SORCS1: variants seen among roughly 807,000 people sequenced by gnomAD.
SORCS1 encodes the protein VPS10 domain-containing receptor SorCS1.
Under a neutral mutation model 146.1 loss-of-function variants are expected in SORCS1, and 60 were observed. The ratio of observed to expected loss-of-function variants is 0.41; its 90% confidence interval spans 0.33 to 0.51. The LOEUF is 0.51. Among genes scored for constraint, SORCS1 ranks in the 20% least tolerant of loss-of-function variants. The pLI is 0.21. For missense variants in SORCS1, 1,352 were observed against 1,487.6 expected (o/e 0.91, Z 1.50); for synonymous variants, 637 against 584.0 (o/e 1.09, Z -1.31).
intron 1 of SORCS1, among the ~76,000 whole-genome samples, chr10:107,146,895 T>C (rs1197682958): frequency 6.6e-6 from 1 of 152,136 alleles, no homozygotes; most frequent in Admixed American, 6.5e-5. Flanking sequence ...TACAATTCCT[T>C]GTACTCATGT....
Position 106,941,858 on chromosome 10 carries a change from G to A in SORCS1, c.626+14655C>T, listed in dbSNP as rs188410907. On this transcript the variant is annotated intron_variant, in intron 2 of 25. Transcript: ENST00000263054. ...TGACAATGGTATCACAGGGACTGCC[G>A]GTTGTGGTTAATCTGTAAGTCTTAG... 1.6e-3 allele frequency among the ~76,000 whole-genome samples: 239 copies of A among 152,292 alleles called. 1 individual carries two copies. Among genetic ancestry groups the A allele is most frequent in the African/African-American group, 5.3e-3 (222 of 41,542 alleles).
intron 1 of SORCS1, among the ~76,000 whole-genome samples, chr10:106,974,427 G>A (rs1367943290): frequency 6.6e-6 from 1 of 152,194 alleles, no homozygotes; most frequent in Non-Finnish European, 1.5e-5. Context: ...CCAGAGGAAT[G>A]CAAATGTGAA....
At chr10:106,762,386 CTT>C (rs869195563) in intron 4 of SORCS1, among the ~76,000 whole-genome samples, 5 of 73,824 alleles carry the variant, frequency 6.8e-5, no homozygotes, top group South Asian at 6.0e-4. Context: ...TTTTATTATT[CTT>C]TTTTTTTTTT....
intron 1 of SORCS1, among the ~76,000 whole-genome samples, chr10:107,115,571 T>C (rs896560574): frequency 1.3e-5 from 2 of 152,078 alleles, no homozygotes; most frequent in African/African-American, 4.8e-5. Context: ...TAAATTCTTT[T>C]ACTTAAACCA....
chr10:106,712,192 A>C (rs1589717327), intron 6 of SORCS1, among the ~76,000 whole-genome samples: 1 of 152,218 alleles, frequency 6.6e-6, no homozygotes, highest in Non-Finnish European at 1.5e-5. Context: ...TCTCCCTGGC[A>C]AACTAAAATT....
intron 20 of SORCS1, among the ~76,000 whole-genome samples, chr10:106,619,696 C>T (rs1225234281): frequency 6.6e-6 from 1 of 152,122 alleles, no homozygotes; most frequent in Non-Finnish European, 1.5e-5. Context: ...AATTTGGCCT[C>T]TTATGAAGCA....
chr10:106,651,618 C>T (rs551689381), intron 18 of SORCS1, among the ~76,000 whole-genome samples: 3 of 152,240 alleles, frequency 2.0e-5, no homozygotes, highest in African/African-American at 4.8e-5. Flanking sequence ...ATTTACAGAG[C>T]TTTACACAAT....
rs1213838018 is a variant in SORCS1, at chr10:106,629,279, A to G, written c.2585T>C (p.Val862Ala). 1 of 1,614,178 alleles carries G rather than the reference A, an allele frequency of 6.2e-7. No individual in the cohort carries two copies. Among genetic ancestry groups the G allele is most frequent in the Non-Finnish European group, 8.5e-7 (1 of 1,180,018 alleles). ...CTGCACGGTCACACGGAAAATGCCCACGTTCTGATAGACGTGTTTGATCCC... is the reference window on the plus strand; with the variant it reads ...CTGCACGGTCACACGGAAAATGCCCGCGTTCTGATAGACGTGTTTGATCCC... ...EDGIKHVYQN[V>A]GIFRVTVQVD... The change falls in exon 19 of 26, where the codon GTG (valine) becomes GCG (alanine). Residue 862 changes from valine to alanine, a missense_variant. By Grantham distance (64) the Val-to-Ala change is moderately conservative. This residue lies in a region of SORCS1 where 648 missense variants were observed against 793.8 expected (regional missense o/e 0.82). Transcript: ENST00000263054.
intron 1 of SORCS1, among the ~76,000 whole-genome samples, chr10:106,975,070 A>T (rs958942045): frequency 6.6e-6 from 1 of 152,210 alleles, no homozygotes; most frequent in African/African-American, 2.4e-5. Flanking sequence ...GGTTTTACAC[A>T]TCTGGAGGAA....
intron 19 of SORCS1, among the ~76,000 whole-genome samples, chr10:106,622,335 A>T (rs995228346): frequency 6.7e-6 from 1 of 150,308 alleles, no homozygotes; most frequent in African/African-American, 2.4e-5. Context: ...TCCAATTATG[A>T]TAATAATGAT....
chr10:106,589,699 A>G (rs909394719), intron 24 of SORCS1, among the ~76,000 whole-genome samples: 5 of 132,780 alleles, frequency 3.8e-5, no homozygotes, highest in Non-Finnish European at 5.2e-5. Context: ...TTGACGACGA[A>G]AAAAAAAAAA....
intron 3 of SORCS1, among the ~76,000 whole-genome samples, chr10:106,819,151 T>C (rs951277): frequency 0.45 from 68,992 of 152,096 alleles, 15,876 homozygotes; most frequent in African/African-American, 0.53. Flanking sequence ...ATTTGTTGAA[T>C]GCTTGCTAGG....
intron 2 of SORCS1, among the ~76,000 whole-genome samples, chr10:106,894,693 A>G (rs1175894207): frequency 6.6e-6 from 1 of 152,238 alleles, no homozygotes; most frequent in Non-Finnish European, 1.5e-5. Flanking sequence ...ACAAGGTTAT[A>G]CTTAGTTTTA....
intron 10 of SORCS1, among the ~76,000 whole-genome samples, chr10:106,685,296 C>T (rs934376224): frequency 7.9e-5 from 12 of 152,140 alleles, no homozygotes; most frequent in African/African-American, 2.7e-4. Context: ...ATGGGTTGAG[C>T]CCCTACCACA....
intron 10 of SORCS1, among the ~76,000 whole-genome samples, chr10:106,680,539 A>G (rs1341355252): frequency 3.9e-5 from 6 of 152,216 alleles, no homozygotes; most frequent in Non-Finnish European, 8.8e-5. Context: ...GACAAAATGC[A>G]CTAGTAGTAA....
chr10:106,827,194 G>C lies in SORCS1; in HGVS notation c.726+2380C>G, dbSNP rs1166508954. Reference sequence around the variant, plus strand: ...TACAGAAAAGCCTATAGTCAGATTTGATATTTGGCATCTTTTTTTTTTTTT... The same window carrying C: ...TACAGAAAAGCCTATAGTCAGATTTCATATTTGGCATCTTTTTTTTTTTTT... On this transcript the variant is annotated intron_variant, in intron 3 of 25. Coordinates refer to ENST00000263054, the MANE Select transcript of SORCS1 (RefSeq NM_052918.5). 5.1e-5 allele frequency among the ~76,000 whole-genome samples: 7 copies of C among 136,592 alleles called. No homozygotes were observed. In the East Asian group the frequency reaches 1.5e-3, roughly 30 times the overall value. The allele number at this position is 136,592 out of a possible 152,430, so 89.6% of individuals were successfully genotyped here.
chr10:106,883,042 TAGAAGAGG>T (rs1477942866), intron 2 of SORCS1, among the ~76,000 whole-genome samples: 7 of 152,350 alleles, frequency 4.6e-5, no homozygotes, highest in African/African-American at 1.7e-4. Context: ...TTGAAAGACC[TAGAAGAGG>T]TTCTACAGAA....
At chr10:106,928,463 G>A (rs1013208514) in intron 2 of SORCS1, among the ~76,000 whole-genome samples, 4 of 152,214 alleles carry the variant, frequency 2.6e-5, no homozygotes, top group Admixed American at 6.5e-5. Context: ...CCCGGTTTCC[G>A]CTCACGCCTC....
Position 107,031,766 on chromosome 10 carries a change from C to G in SORCS1, c.559-75186G>C, listed in dbSNP as rs74154832. On this transcript the variant is annotated intron_variant, in intron 1 of 25. Coordinates refer to ENST00000263054, the MANE Select transcript of SORCS1 (RefSeq NM_052918.5). The stretch of plus-strand genomic sequence containing the variant: ...GGGATTACAGGAATAAGCCACCATG[C>G]CTGGCCAAAATGACATCCTCTCTGA... Among the ~76,000 whole-genome samples, 789 of 152,190 alleles carry G rather than the reference C, an allele frequency of 5.2e-3. 9 individuals are homozygous for G. Among genetic ancestry groups the G allele is most frequent in the African/African-American group, 0.018 (747 of 41,530 alleles).
Sources: allele counts gnomAD v4.1 joint callset (sites outside exome capture counted in the v4.1 genomes callset), GRCh38; gene constraint gnomAD v4.1.1; regional missense constraint gnomAD v4.1.1; transcripts MANE v1.5; gene names NCBI Gene and HGNC (gene_info 2026-07-23, HGNC 2026-07-21).